GAS7: variants seen among roughly 807,000 people sequenced by gnomAD.
GAS7 encodes growth arrest-specific protein 7.
Under a neutral mutation model 71.1 loss-of-function variants are expected in GAS7, and 28 were observed. The observed-to-expected ratio is 0.39, with a 90% CI of 0.29 to 0.54. The LOEUF (loss-of-function observed/expected upper bound fraction) is 0.54, where lower values mean the gene tolerates loss of function less well. GAS7 is among the 20% of genes least tolerant of loss of function. GAS7 has a pLI of 0.62. For missense variants in GAS7, 436 were observed against 627.8 expected (o/e 0.69, Z 3.27); for synonymous variants, 258 against 245.8 (o/e 1.05, Z -0.46).
At chr17:9,995,136 A>C (rs75924272) in intron 2 of GAS7, among the ~76,000 whole-genome samples, 2,014 of 152,262 alleles carry the variant, frequency 0.013, 42 homozygotes, top group African/African-American at 0.047. Context: ...CTGGAAGAAG[A>C]ATCTCTTTCT....
chr17:10,074,993 C>T (rs555746967), intron 1 of GAS7, among the ~76,000 whole-genome samples: 5 of 151,762 alleles, frequency 3.3e-5, no homozygotes, highest in South Asian at 4.2e-4. Context: ...GAAAAAGCAC[C>T]GGACAAAACT....
rs1369815487 is a variant in GAS7, at chr17:9,912,476, C to T, written c.*4752G>A. 4.3e-6 allele frequency: 1 copy of T among 232,934 alleles called. No homozygotes were observed. Among genetic ancestry groups the T allele is most frequent in the African/African-American group, 2.2e-5 (1 of 45,332 alleles). The allele number at this position is 232,934 out of a possible 1,614,324, so 14.4% of individuals were successfully genotyped here. ...TTCTTGTCCATGCTGCTTCTGCTCG[C>T]CTTTCAAAGCCTCCAACGCCCAATA... is the stretch of plus-strand genomic sequence containing the variant. On this transcript the variant is annotated 3_prime_UTR_variant, in exon 14 of 14. Transcript: ENST00000432992.
rs867051334 is a variant in GAS7 at position 10,005,136 on chromosome 17, T to C, written c.304+14641A>G. Among the ~76,000 whole-genome samples the C allele has an allele frequency of 6.2e-5, 9 of 145,582 alleles. No individual in the cohort carries two copies. The East Asian group carries it at 6.3e-4, about 10-fold the overall frequency. On this transcript the variant is annotated intron_variant, in intron 2 of 13. Coordinates refer to ENST00000432992, the MANE Select transcript of GAS7 (RefSeq NM_201433.2). ...GCGTGTGCACGCATACCAGCATGTG[T>C]GCGCGCACGCATGCATGCATGTGTG...
At chr17:9,987,788 A>G (rs1215436954) in intron 2 of GAS7, among the ~76,000 whole-genome samples, 1 of 152,262 alleles carries the variant, frequency 6.6e-6, no homozygotes, top group Non-Finnish European at 1.5e-5. Context: ...AATTTTAAAT[A>G]GTCACTTCCG....
chr17:10,191,932 T>C (rs2074505391), intron 1 of GAS7, among the ~76,000 whole-genome samples: 1 of 150,790 alleles, frequency 6.6e-6, no homozygotes, highest in Non-Finnish European at 1.5e-5. Context: ...CATATGAAAT[T>C]TGAGTACCTA....
At chr17:9,932,495 T>C (rs2068245789) in intron 9 of GAS7, among the ~76,000 whole-genome samples, 1 of 152,156 alleles carries the variant, frequency 6.6e-6, no homozygotes, top group South Asian at 2.1e-4. Context: ...GCCTGGCCCC[T>C]TTCTTTAAAA....
intron 1 of GAS7, among the ~76,000 whole-genome samples, chr17:10,149,513 A>G (rs1256728333): frequency 6.6e-6 from 1 of 152,236 alleles, no homozygotes; most frequent in Non-Finnish European, 1.5e-5. Context: ...TTTGAGGATT[A>G]GAGGTGGAAA....
chr17:10,180,550 T>G (rs1210056347), intron 1 of GAS7, among the ~76,000 whole-genome samples: 1 of 152,080 alleles, frequency 6.6e-6, no homozygotes, highest in Admixed American at 6.6e-5. Context: ...GGAGGCCGAT[T>G]TCTTCAACGC....
At chr17:10,069,212 C>T (rs1276583250) in intron 1 of GAS7, among the ~76,000 whole-genome samples, 7 of 152,158 alleles carry the variant, frequency 4.6e-5, no homozygotes, top group Non-Finnish European at 7.3e-5. Flanking sequence ...AGGAGGGCTC[C>T]CCGGCCTGCT....
chr17:10,175,635 C>T (rs1349136703), intron 1 of GAS7, among the ~76,000 whole-genome samples: 2 of 152,064 alleles, frequency 1.3e-5, no homozygotes, highest in Non-Finnish European at 2.9e-5. Flanking sequence ...TTTCCTTGAC[C>T]TACAACAGTG....
chr17:10,093,823 T>G (rs2073613963), intron 1 of GAS7, among the ~76,000 whole-genome samples: 1 of 152,218 alleles, frequency 6.6e-6, no homozygotes, highest in East Asian at 1.9e-4. Flanking sequence ...ATCTACTATG[T>G]ATTTCATCTA....
intron 5 of GAS7, among the ~76,000 whole-genome samples, chr17:9,951,630 C>T (rs2069011696): frequency 6.6e-6 from 1 of 152,018 alleles, no homozygotes; most frequent in Admixed American, 6.6e-5. Flanking sequence ...GTGGCGCATG[C>T]CTATAATCCC....
chr17:10,178,898 CCCTA>C (rs948632323), intron 1 of GAS7, among the ~76,000 whole-genome samples: 1 of 151,736 alleles, frequency 6.6e-6, no homozygotes, highest in African/African-American at 2.4e-5. Context: ...GCAGAGAGAG[CCCTA>C]CAACCACCAC....
chr17:10,101,108 C>CAA (rs3076187), intron 1 of GAS7, among the ~76,000 whole-genome samples: 23,352 of 151,676 alleles, frequency 0.15, 1,912 homozygotes, highest in Non-Finnish European at 0.17. Context: ...ATCTCAAAAA[C>CAA]AAAAAAAACC....
intron 2 of GAS7, among the ~76,000 whole-genome samples, chr17:9,993,175 G>A (rs1404066115): frequency 6.6e-6 from 1 of 151,144 alleles, no homozygotes; most frequent in Non-Finnish European, 1.5e-5. Context: ...CTGAGGAATC[G>A]CCACACTGAC....
chr17:10,075,533 G>A (rs887528367), intron 1 of GAS7, among the ~76,000 whole-genome samples: 19 of 151,908 alleles, frequency 1.3e-4, no homozygotes, highest in Admixed American at 9.2e-4. Context: ...ATGAAATAAA[G>A]CCTCTAATCC....
intron 1 of GAS7, among the ~76,000 whole-genome samples, chr17:10,068,591 T>TAAA (rs35892404): frequency 4.2e-5 from 6 of 141,192 alleles, no homozygotes; most frequent in Admixed American, 1.4e-4. Context: ...CCCTGTCTCT[T>TAAA]AAAAAAAAAA....
intron 3 of GAS7, among the ~76,000 whole-genome samples, chr17:9,971,480 G>A (rs1012374484): frequency 1.3e-5 from 2 of 152,114 alleles, no homozygotes; most frequent in African/African-American, 4.8e-5. Flanking sequence ...TGGGAGGATA[G>A]CTTGAGCCTG....
At chr17:10,156,400 C>T (rs895868122) in intron 1 of GAS7, among the ~76,000 whole-genome samples, 2 of 152,212 alleles carry the variant, frequency 1.3e-5, no homozygotes, top group Non-Finnish European at 2.9e-5. Context: ...AGATCAGTTC[C>T]TAGGCCAAAG....
Sources: allele counts gnomAD v4.1 joint callset (sites outside exome capture counted in the v4.1 genomes callset), GRCh38; gene constraint gnomAD v4.1.1; transcripts MANE v1.5; gene names NCBI Gene and HGNC (gene_info 2026-07-23, HGNC 2026-07-21).